The following RIMS2 variants were observed in gnomAD, a reference collection of about 807,000 sequenced individuals.
The protein encoded by RIMS2 is regulating synaptic membrane exocytosis protein 2.
In RIMS2, 59 loss-of-function variants were observed where a neutral mutation model predicts 174.4. That is an observed-to-expected ratio of 0.34 (90% CI 0.27 to 0.42). The LOEUF (loss-of-function observed/expected upper bound fraction) is 0.42. RIMS2 is among the 10% of genes least tolerant of loss of function. The pLI is 1.00. For missense variants in RIMS2, 1,620 were observed against 1,666.3 expected, an observed-to-expected ratio of 0.97 and a Z score of 0.48; for synonymous variants, 606 against 572.5, an observed-to-expected ratio of 1.06 and a Z score of -0.84.
At chr8:103,599,413 T>C (rs2094606888) in intron 1 of RIMS2, among the ~76,000 whole-genome samples, 1 of 147,716 alleles carries the variant, frequency 6.8e-6, no homozygotes, top group South Asian at 2.1e-4. Context: ...TATATTTTAA[T>C]ATATAAATAA....
intron 16 of RIMS2, among the ~76,000 whole-genome samples, chr8:103,978,629 A>T (rs72683115): frequency 6.6e-6 from 1 of 152,160 alleles, no homozygotes; most frequent in Non-Finnish European, 1.5e-5. Flanking sequence ...AAAAACTAAT[A>T]AAAATACCTG....
intron 1 of RIMS2, among the ~76,000 whole-genome samples, chr8:103,608,691 T>C (rs1341820055): frequency 6.6e-6 from 1 of 152,038 alleles, no homozygotes; most frequent in Non-Finnish European, 1.5e-5. Flanking sequence ...TATAATCTCA[T>C]GGTGCGCCGT....
At chr8:103,620,230 A>G (rs1243152163) in intron 1 of RIMS2, among the ~76,000 whole-genome samples, 1 of 152,194 alleles carries the variant, frequency 6.6e-6, no homozygotes, top group East Asian at 1.9e-4. Flanking sequence ...TTTCAATGTG[A>G]AATTGTTTTT....
At chr8:103,990,859 T>C (rs1388712762) in intron 17 of RIMS2, among the ~76,000 whole-genome samples, 2 of 151,942 alleles carry the variant, frequency 1.3e-5, no homozygotes, top group Admixed American at 1.3e-4. Context: ...TTAAGACAAA[T>C]AAATGCTGTC....
intron 1 of RIMS2, among the ~76,000 whole-genome samples, chr8:103,575,280 A>G (rs2093131458): frequency 6.6e-6 from 1 of 152,160 alleles, no homozygotes. Flanking sequence ...TAAAAAAGAG[A>G]CAATAGTAGG....
chr8:103,741,887 T>C (rs371854087), intron 2 of RIMS2, among the ~76,000 whole-genome samples: 11 of 152,176 alleles, frequency 7.2e-5, no homozygotes, highest in African/African-American at 2.4e-4. Flanking sequence ...TCAGAGAAAG[T>C]CTCACTTTAC....
In RIMS2 at chr8:103,787,008, C is replaced by G. The variant is rs1408982538; in HGVS notation, c.698+20471C>G. 3.3e-5 allele frequency among the ~76,000 whole-genome samples: 5 copies of G among 150,624 alleles called. No homozygotes were observed. In the East Asian group the frequency reaches 9.7e-4, roughly 29 times the overall value. ...AGTTAGCTCTTCTTGTTGAATTGAT[C>G]CCTTTACCATTATGTAATGGCCTTC... is the stretch of plus-strand genomic sequence containing the variant. On this transcript the variant is annotated intron_variant, in intron 3 of 23. Transcript: ENST00000504942.
intron 2 of RIMS2, among the ~76,000 whole-genome samples, chr8:103,718,603 A>G (rs1205358956): frequency 6.6e-6 from 1 of 152,116 alleles, no homozygotes; most frequent in Non-Finnish European, 1.5e-5. Context: ...TACATATGGA[A>G]TGTTGAGTAG....
At chr8:103,956,540 C>T (rs993394616) in intron 14 of RIMS2, among the ~76,000 whole-genome samples, 2 of 152,172 alleles carry the variant, frequency 1.3e-5, no homozygotes, top group African/African-American at 2.4e-5. Flanking sequence ...AGAAAAGTGG[C>T]TAGCCATATG....
chr8:104,172,788 A>G (rs1176477346), intron 19 of RIMS2, among the ~76,000 whole-genome samples: 1 of 152,226 alleles, frequency 6.6e-6, no homozygotes, highest in Non-Finnish European at 1.5e-5. Flanking sequence ...TAAGTGTGGA[A>G]ATAGATTCCC....
At chr8:104,004,532 A>G (rs1259235756) in intron 17 of RIMS2, among the ~76,000 whole-genome samples, 1 of 152,214 alleles carries the variant, frequency 6.6e-6, no homozygotes, top group African/African-American at 2.4e-5. Context: ...AACAGGTTGC[A>G]GTAGCCTAAG....
At chr8:104,209,368 T>C (rs2099095318) in intron 19 of RIMS2, among the ~76,000 whole-genome samples, 1 of 152,208 alleles carries the variant, frequency 6.6e-6, no homozygotes, top group Non-Finnish European at 1.5e-5. Flanking sequence ...TCACACATTG[T>C]AGGTGCTAAA....
chr8:103,936,974 T>C (rs188972893), intron 13 of RIMS2, among the ~76,000 whole-genome samples: 2 of 151,812 alleles, frequency 1.3e-5, no homozygotes, highest in Non-Finnish European at 2.9e-5. Flanking sequence ...GGTGGGCGCC[T>C]GTAGTCCCAG....
chr8:103,981,086 G>A (rs1306796535), intron 16 of RIMS2, among the ~76,000 whole-genome samples: 2 of 152,170 alleles, frequency 1.3e-5, no homozygotes, highest in South Asian at 2.1e-4. Flanking sequence ...GTGAACATAG[G>A]TGATAGTAGC....
chr8:103,780,019 G>T (rs984337990), intron 3 of RIMS2, among the ~76,000 whole-genome samples: 2 of 151,992 alleles, frequency 1.3e-5, no homozygotes, highest in Admixed American at 6.6e-5. Flanking sequence ...ATACTGATTT[G>T]GTTACCATAG....
intron 3 of RIMS2, among the ~76,000 whole-genome samples, chr8:103,798,706 T>C (rs1297437083): frequency 1.3e-5 from 2 of 152,180 alleles, no homozygotes; most frequent in Non-Finnish European, 2.9e-5. Flanking sequence ...ATCAATTTGT[T>C]GTTCCAGACT....
At chr8:104,130,471 T>C (rs1444323289) in intron 19 of RIMS2, among the ~76,000 whole-genome samples, 1 of 152,154 alleles carries the variant, frequency 6.6e-6, no homozygotes, top group East Asian at 1.9e-4. Context: ...TCCAGGTACC[T>C]CTTTCTTGGT....
chr8:103,727,778 G>T (rs7826713), intron 2 of RIMS2, among the ~76,000 whole-genome samples: 50,663 of 151,998 alleles, frequency 0.33, 8,840 homozygotes, highest in African/African-American at 0.43. Flanking sequence ...GGGTTCTGTA[G>T]TGTGATCCAT....
At chr8:104,093,326 C>A in intron 19 of RIMS2, 145 bp from the exon 24 acceptor site, 1 of 534,416 alleles carries the variant, frequency 1.9e-6, no homozygotes, top group Non-Finnish European at 3.3e-6. Flanking sequence ...GGATAATTGC[C>A]ATTCACTTTT....
Sources: gnomAD v4.1 joint callset for allele counts (sites outside exome capture counted in the v4.1 genomes callset) on GRCh38, gnomAD v4.1.1 for gene constraint, MANE v1.5 for transcripts, NCBI Gene and HGNC (gene_info 2026-07-23, HGNC 2026-07-21) for gene names.